Variants in BCAR3 observed in about 807,000 individuals in gnomAD.
BCAR3 encodes BCAR3 adaptor protein, NSP family member.
In BCAR3, 37 loss-of-function variants were observed where a neutral mutation model predicts 80.1. The ratio of observed to expected loss-of-function variants is 0.46; its 90% CI spans 0.36 to 0.61. The LOEUF (loss-of-function observed/expected upper bound fraction) is 0.61. Ranked by LOEUF, BCAR3 falls within the 20% of genes least tolerant of loss-of-function variation. BCAR3 has a pLI of 0.00. For synonymous variants in BCAR3, 389 were observed against 418.9 expected (o/e 0.93, Z 0.87); for missense variants, 978 against 1,068.2 (o/e 0.92, Z 1.18).
intron 2 of BCAR3, among the ~76,000 whole-genome samples, chr1:93,790,489 T>A (rs1012521536): frequency 5.9e-5 from 9 of 152,158 alleles, no homozygotes; most frequent in African/African-American, 2.2e-4. Context: ...ATCAGTGTCC[T>A]CATTATTATA....
intron 2 of BCAR3, among the ~76,000 whole-genome samples, chr1:93,824,173 C>T (rs1373283642): frequency 2.2e-5 from 3 of 134,156 alleles, no homozygotes; most frequent in African/African-American, 5.0e-5. Context: ...GTCTGGCCAA[C>T]GTGGCCTGGC....
At chr1:93,608,680 G>C (rs902257961) in intron 3 of BCAR3, among the ~76,000 whole-genome samples, 5 of 152,172 alleles carry the variant, frequency 3.3e-5, no homozygotes, top group Admixed American at 1.3e-4. Flanking sequence ...GTCTGCTAGG[G>C]AACCGGGTCC....
At chr1:93,574,230 A>C (rs1165203396) in intron 8 of BCAR3, among the ~76,000 whole-genome samples, 1 of 152,216 alleles carries the variant, frequency 6.6e-6, no homozygotes. Context: ...GGTTGGCAAG[A>C]GGAGGCACTC....
chr1:93,611,331 T>C (rs1319234843), intron 3 of BCAR3, among the ~76,000 whole-genome samples: 1 of 152,230 alleles, frequency 6.6e-6, no homozygotes, highest in Non-Finnish European at 1.5e-5. Flanking sequence ...ATGCATGGAC[T>C]TTACATTCAA....
At chr1:93,826,599 T>A (rs1654381359) in intron 2 of BCAR3, among the ~76,000 whole-genome samples, 1 of 152,142 alleles carries the variant, frequency 6.6e-6, no homozygotes. Flanking sequence ...TGCCAGGTAG[T>A]TTACATTCCA....
At position 93,661,132 on chromosome 1, in the gene BCAR3, C is replaced by T. The variant is rs1433137390; in HGVS notation, c.317+13482G>A. ...TCCGCTCACCACAACCTCCGCCTCCCGGGTTCAAGTGATTCTCCTGCCTCA... is the reference window on the plus strand; with the variant it reads ...TCCGCTCACCACAACCTCCGCCTCCTGGGTTCAAGTGATTCTCCTGCCTCA... On this transcript the variant is annotated intron_variant, in intron 2 of 11. Transcript: ENST00000260502. Among the ~76,000 whole-genome samples, 6 of 152,122 alleles carry T rather than the reference C, an allele frequency of 3.9e-5. No homozygotes were observed. The South Asian group carries it at 1.2e-3, about 32-fold the overall frequency.
intron 5 of BCAR3, among the ~76,000 whole-genome samples, chr1:93,587,860 G>A (rs1363865982): frequency 6.6e-6 from 1 of 152,060 alleles, no homozygotes; most frequent in African/African-American, 2.4e-5. Context: ...AGTGCTTTTA[G>A]ATAATATGCA....
rs377739717 is a variant in BCAR3, at chr1:93,785,856, A to G, written c.-63+59711T>C. ...GGACTTTATGAATTCCTGAAACAAT[A>G]GTATAGTGGAAATTATACGATGTGA... is the stretch of plus-strand genomic sequence containing the variant. On this transcript the variant is annotated intron_variant, in intron 2 of 13. Coordinates refer to the BCAR3 transcript ENST00000370244. Among the ~76,000 whole-genome samples, 17 of 152,314 alleles carry G rather than the reference A, an allele frequency of 1.1e-4. No homozygotes were observed. In the South Asian group the frequency reaches 1.7e-3, roughly 15 times the overall value.
At chr1:93,582,241 A>G in intron 7 of BCAR3, 60 bp downstream of exon 7, 1 of 1,550,702 alleles carries the variant, frequency 6.4e-7, no homozygotes, top group East Asian at 2.3e-5. Context: ...GAGCACCGGG[A>G]CCCCTAGCTC....
chr1:93,737,461 G>A (rs1651015499), intron 2 of BCAR3, among the ~76,000 whole-genome samples: 1 of 152,174 alleles, frequency 6.6e-6, no homozygotes, highest in African/African-American at 2.4e-5. Context: ...CAGAGGCAGA[G>A]CCTGGAGTGA....
Position 93,681,820 on chromosome 1 carries a change from A to G in BCAR3, c.-234T>C, listed in dbSNP as rs926926839. 8 of 151,638 alleles carry G rather than the reference A, an allele frequency of 5.3e-5. No homozygotes were observed. Among genetic ancestry groups the G allele is most frequent in the Non-Finnish European group, 8.8e-5 (6 of 67,952 alleles). 9.4% of individuals were successfully genotyped at this position (151,638 alleles called of 1,614,324 possible). On this transcript the variant is annotated 5_prime_UTR_variant, in exon 1 of 12. Coordinates refer to ENST00000260502, the MANE Select transcript of BCAR3 (RefSeq NM_003567.4). The stretch of plus-strand genomic sequence containing the variant: ...TCCCGGCCCCGTCCCCCGCCCGGCC[A>G]GCAGCAGGCGCAGCTCTGAGCCGGC...
intron 3 of BCAR3, among the ~76,000 whole-genome samples, chr1:93,699,661 A>G (rs1159311100): frequency 6.6e-6 from 1 of 152,154 alleles, no homozygotes; most frequent in African/African-American, 2.4e-5. Context: ...GCTCAAACAA[A>G]GCATTTTCTC....
chr1:93,782,635 A>G (rs567389632), intron 2 of BCAR3, among the ~76,000 whole-genome samples: 17 of 152,208 alleles, frequency 1.1e-4, no homozygotes, highest in Non-Finnish European at 1.9e-4. Flanking sequence ...GTGGAGGATA[A>G]GGAAGGCCAG....
chr1:93,573,784 A>G (rs1223693558), intron 8 of BCAR3, among the ~76,000 whole-genome samples: 1 of 149,166 alleles, frequency 6.7e-6, no homozygotes, highest in East Asian at 1.9e-4. Context: ...ATATGCCACC[A>G]TGCCCAGCTA....
At position 93,592,216 on chromosome 1, in the gene BCAR3, A is replaced by G; in HGVS notation, c.486+49T>C. On this transcript the variant is annotated intron_variant, in intron 4 of 11. Coordinates refer to ENST00000260502, the MANE Select transcript of BCAR3 (RefSeq NM_003567.4). The surrounding 1 kb of genome is among the most constrained non-coding windows in gnomAD (Gnocchi z 4.8). ...GACCCTGCGGGTCATCAATCTGTACATTGCCTGAGAGCAGCCGTGTATGCT... is the reference window on the plus strand; with the variant it reads ...GACCCTGCGGGTCATCAATCTGTACGTTGCCTGAGAGCAGCCGTGTATGCT... 6.2e-7 allele frequency: 1 copy of G among 1,610,220 alleles called. No individual in the cohort carries two copies. Among genetic ancestry groups the G allele is most frequent in the Non-Finnish European group, 8.5e-7 (1 of 1,179,218 alleles).
intron 2 of BCAR3, among the ~76,000 whole-genome samples, chr1:93,659,442 C>T (rs1647544824): frequency 6.6e-6 from 1 of 152,048 alleles, no homozygotes; most frequent in Non-Finnish European, 1.5e-5. Flanking sequence ...ATCCTCCCTG[C>T]TCAGCCTCCC....
chr1:93,754,342 G>T (rs1023761674), intron 2 of BCAR3: 6 of 152,176 alleles, frequency 3.9e-5, no homozygotes, highest in Non-Finnish European at 7.3e-5. Flanking sequence ...GGCCTCCATT[G>T]TTCCCTGAAC....
At chr1:93,689,174 C>T (rs1057450975) in intron 3 of BCAR3, among the ~76,000 whole-genome samples, 7 of 152,022 alleles carry the variant, frequency 4.6e-5, no homozygotes, top group South Asian at 2.1e-4. Flanking sequence ...GCTGTGGGAA[C>T]GCAGAGAAGG....
chr1:93,584,906 T>A (rs1323735401), intron 5 of BCAR3: 1 of 913,516 alleles, frequency 1.1e-6, no homozygotes, highest in African/African-American at 1.8e-5. Context: ...TGTTATGAAC[T>A]TTAATTGGCC....
Sources: gnomAD v4.1 joint callset for allele counts (sites outside exome capture counted in the v4.1 genomes callset) on GRCh38, gnomAD v4.1.1 for gene constraint, Gnocchi (gnomAD v3.1) non-coding constraint, MANE v1.5 for transcripts, NCBI Gene and HGNC (gene_info 2026-07-23, HGNC 2026-07-21) for gene names.